Variants in IL12A observed in about 807,000 individuals in gnomAD.
IL12A encodes the protein interleukin 12A.
IL12A carries 16 observed loss-of-function variants against 23.5 expected under a neutral mutation model. The observed-to-expected ratio is 0.68, with a 90% confidence interval of 0.46 to 1.03. IL12A has a LOEUF of 1.03. Among genes scored for constraint, IL12A ranks in the 50% least tolerant of loss-of-function variants. The probability of loss-of-function intolerance (pLI) is 0.00; values close to 1 mark genes in which losing one functional copy is unlikely to be tolerated. For synonymous variants in IL12A, 106 were observed against 111.5 expected (o/e 0.95, Z 0.31); for missense variants, 275 against 307.0 (o/e 0.90, Z 0.78).
At position 159,993,233 on chromosome 3, in the gene IL12A, T is replaced by C; in HGVS notation, c.378+108T>C. On this transcript the variant is annotated intron_variant, in intron 3 of 6. Transcript: ENST00000305579. ...TCTGGTATCCATCATTATGGGATTT[T>C]AACTGGTCCTACTTCAGAAGTTAGA... is the stretch of plus-strand genomic sequence containing the variant. 3 of 758,444 alleles carry C rather than the reference T, an allele frequency of 4.0e-6. No homozygotes were observed. The South Asian group carries it at 5.2e-5, about 13-fold the overall frequency. 47.0% of individuals were successfully genotyped at this position (758,444 alleles called of 1,614,324 possible).
intron 1 of IL12A, 154 bp downstream of exon 1, chr3:159,989,328 G>C (rs1319204763): frequency 3.1e-6 from 2 of 636,958 alleles, no homozygotes; most frequent in African/African-American, 1.9e-5. Context: ...GTCTCACCGT[G>C]TGCTAAATAG....
Position 159,995,664 on chromosome 3 carries a change from A to G in IL12A, c.*105A>G. 1.3e-6 allele frequency: 1 copy of G among 758,666 alleles called. No homozygotes were observed. 47.0% of individuals were successfully genotyped at this position (758,666 alleles called of 1,614,324 possible). ...CTAGGGAGGGGGAAAGAAGGATGGG[A>G]CTATTACATCCACATGATACCTCTG... is the stretch of plus-strand genomic sequence containing the variant. On this transcript the variant is annotated 3_prime_UTR_variant, in exon 7 of 7. Transcript: ENST00000305579.
Position 159,988,916 on chromosome 3 carries a change from C to T in IL12A, c.-141C>T. ...CGGCCGGGCACCCCGGGAGTTAATC[C>T]GAAAGCGCCGCAAGCCCCGCGGGCC... On this transcript the variant is annotated 5_prime_UTR_variant, in exon 1 of 7. Coordinates refer to ENST00000305579, the MANE Select transcript of IL12A (RefSeq NM_000882.4). 1 of 714,078 alleles carries T rather than the reference C, an allele frequency of 1.4e-6. No individual in the cohort carries two copies. The highest frequency in any genetic ancestry group is 2.4e-6 in the Non-Finnish European group (1 of 423,652). The allele number at this position is 714,078 out of a possible 1,614,324, so 44.2% of individuals were successfully genotyped here.
chr3:159,995,353 A>G (rs781500343), intron 6 of IL12A, 51 bp from the exon 7 acceptor site: 2 of 1,430,924 alleles, frequency 1.4e-6, no homozygotes, highest in East Asian at 2.5e-5. Flanking sequence ...ATGAATGAAT[A>G]TTTGAATTTT....
rs1460141649 is a variant in IL12A at position 159,995,586 on chromosome 3, C to T, written c.*27C>T. 6.5e-7 allele frequency: 1 copy of T among 1,526,878 alleles called. No individual in the cohort carries two copies. The highest frequency in any genetic ancestry group is 1.3e-5 in the South Asian group (1 of 76,588). The allele number at this position is 1,526,878 out of a possible 1,614,324, so 94.6% of individuals were successfully genotyped here. A position where few individuals can be genotyped will look rare whatever the true frequency, so the allele number is the denominator to read the frequency against. ...AAGCGAGGTCCCTCCAAACCGTTGTCATTTTTATAAAACTTTGAAATGAGG... is the reference window on the plus strand; with the variant it reads ...AAGCGAGGTCCCTCCAAACCGTTGTTATTTTTATAAAACTTTGAAATGAGG... On this transcript the variant is annotated 3_prime_UTR_variant, in exon 7 of 7. Coordinates refer to ENST00000305579, the MANE Select transcript of IL12A (RefSeq NM_000882.4).
rs977764536 is a variant in IL12A at position 159,988,941 on chromosome 3, C to T, written c.-116C>T. The T allele has an allele frequency of 7.9e-6, 7 of 886,484 alleles. No homozygotes were observed. The highest frequency in any genetic ancestry group is 6.8e-5 in the Admixed American group (3 of 44,430). The allele number at this position is 886,484 out of a possible 1,614,324, so 54.9% of individuals were successfully genotyped here. A position where few individuals can be genotyped will look rare whatever the true frequency, so the allele number is the denominator to read the frequency against. ...CGAAAGCGCCGCAAGCCCCGCGGGC[C>T]GGCCGCACCGCACGTGTCACCGAGA... On this transcript the variant is annotated 5_prime_UTR_variant, in exon 1 of 7. Transcript: ENST00000305579.
At chr3:159,992,595 A>G (rs1432727538) in intron 2 of IL12A, among the ~76,000 whole-genome samples, 1 of 152,182 alleles carries the variant, frequency 6.6e-6, no homozygotes, top group African/African-American at 2.4e-5. Context: ...TGTTTGTTAT[A>G]TCCATCAGAC....
At chr3:159,992,836 A>T (rs1048421895) in intron 2 of IL12A, among the ~76,000 whole-genome samples, 176 bp from the exon 3 acceptor site, 6 of 152,236 alleles carry the variant, frequency 3.9e-5, no homozygotes, top group Admixed American at 3.3e-4. Context: ...GAGAGACAGA[A>T]TGTAAGGAAT....
In IL12A at chr3:159,989,142, T is replaced by G; in HGVS notation, c.86T>G (p.Leu29Arg). ...CATCCAGCGGCTCGCCCTGTGTCCC[T>G]GCAGTGCCGGCTCAGCATGTGTCCA... The change falls in exon 1 of 7, where the codon CTG becomes CGG. Residue 29 changes from leucine (L) to arginine (R), a missense_variant. By Grantham distance (102) the Leu-to-Arg change is moderately radical. Transcript: ENST00000305579. 6.2e-7 allele frequency: 1 copy of G among 1,612,026 alleles called. No individual in the cohort carries two copies. Among genetic ancestry groups the G allele is most frequent in the Non-Finnish European group, 8.5e-7 (1 of 1,179,524 alleles).
Position 159,995,923 on chromosome 3 carries a change from T to C in IL12A, c.*364T>C, listed in dbSNP as rs1720490400. 1 of 152,792 alleles carries C rather than the reference T, an allele frequency of 6.5e-6. No individual in the cohort carries two copies. Among genetic ancestry groups the C allele is most frequent in the Non-Finnish European group, 1.5e-5 (1 of 68,718 alleles). The allele number at this position is 152,792 out of a possible 1,614,324, so 9.5% of individuals were successfully genotyped here. On this transcript the variant is annotated 3_prime_UTR_variant, in exon 7 of 7. Coordinates refer to ENST00000305579, the MANE Select transcript of IL12A (RefSeq NM_000882.4). ...TAATCATGAAAGCATCTGAGCTAAC[T>C]TATATTTATTTATGTTATATTTATT...
rs1324840625 is a variant in IL12A, at chr3:159,989,169, C to A, written c.113C>A (p.Ala38Glu). Residue 38 changes from alanine to glutamate, a missense_variant, in exon 1 of 7, where the codon GCG (alanine) becomes GAG (glutamate). Ala to Glu is a moderately radical substitution (Grantham distance 107). Transcript: ENST00000305579. ...CAGTGCCGGCTCAGCATGTGTCCAG[C>A]GCGCAGTGAGTACTCAGCCCGCCAG... 26 of 1,611,108 alleles carry A rather than the reference C, an allele frequency of 1.6e-5. No homozygotes were observed. The highest frequency in any genetic ancestry group is 2.1e-5 in the Non-Finnish European group (25 of 1,179,122).
chr3:159,989,346 C>G (rs1720220106), intron 1 of IL12A, 172 bp downstream of exon 1: 5 of 600,310 alleles, frequency 8.3e-6, no homozygotes, highest in Middle Eastern at 4.3e-4. Context: ...TAGGGCATGT[C>G]TCTTTTCATC....
At chr3:159,993,351 GAT>G in intron 3 of IL12A, 98 bp from the exon 4 acceptor site, 1 of 870,874 alleles carries the variant, frequency 1.1e-6, no homozygotes, top group Non-Finnish European at 1.8e-6. Flanking sequence ...TAAATATTAT[GAT>G]ATGTGTTTTT....
intron 3 of IL12A, 114 bp from the exon 4 acceptor site, chr3:159,993,337 A>G: frequency 1.2e-6 from 1 of 821,400 alleles, no homozygotes; most frequent in Non-Finnish European, 1.9e-6. Flanking sequence ...AATAGTTCAG[A>G]TGCTAAATAT....
Position 159,988,992 on chromosome 3 carries a change from G to A in IL12A, c.-65G>A, listed in dbSNP as rs1720199305. On this transcript the variant is annotated 5_prime_UTR_variant, in exon 1 of 7. Coordinates refer to ENST00000305579, the MANE Select transcript of IL12A (RefSeq NM_000882.4). ...AGCTGATGTAGAGAGAGACACAGAA[G>A]GAGACAGAAAGCAAGAGACCAGAGT... 1.0e-5 allele frequency: 13 copies of A among 1,279,558 alleles called. No homozygotes were observed. The highest frequency in any genetic ancestry group is 1.5e-5 in the Non-Finnish European group (13 of 876,166). The allele number at this position is 1,279,558 out of a possible 1,614,324, so 79.3% of individuals were successfully genotyped here.
At position 159,995,492 on chromosome 3, in the gene IL12A, T is replaced by G; in HGVS notation, c.695T>G (p.Leu232Arg). The change falls in exon 7 of 7, where the codon CTT becomes CGT. Residue 232 changes from leucine to arginine, a missense_variant. Physicochemically the swap from Leu to Arg is moderately radical, Grantham distance 102 (BLOSUM62 -2). Coordinates refer to ENST00000305579, the MANE Select transcript of IL12A (RefSeq NM_000882.4). Reference sequence around the variant, plus strand: ...AAAACTAAAATCAAGCTCTGCATACTTCTTCATGCTTTCAGAATTCGGGCA... The same window carrying G: ...AAAACTAAAATCAAGCTCTGCATACGTCTTCATGCTTTCAGAATTCGGGCA... 1 of 1,609,370 alleles carries G rather than the reference T, an allele frequency of 6.2e-7. No individual in the cohort carries two copies. The highest frequency in any genetic ancestry group is 1.1e-5 in the South Asian group (1 of 89,776).
chr3:159,992,959 T>C, intron 2 of IL12A, 53 bp from the exon 3 acceptor site: 1 of 1,073,932 alleles, frequency 9.3e-7, no homozygotes, highest in Non-Finnish European at 1.4e-6. Flanking sequence ...CCTTGTGGGG[T>C]GCCAGGTGCA....
In IL12A at chr3:159,995,428, G is replaced by A. The variant is rs35990253; in HGVS notation, c.631G>A (p.Val211Met). 4,590 of 1,606,752 alleles carry A rather than the reference G, an allele frequency of 2.9e-3. 46 individuals are homozygous for A. The highest frequency in any genetic ancestry group is 0.026 in the African/African-American group (1,965 of 74,680). The stretch of plus-strand genomic sequence containing the variant: ...GGCCCTGAATTTCAACAGTGAGACT[G>A]TGCCACAAAAATCCTCCCTTGAAGA... The change falls in exon 7 of 7, where the codon GTG becomes ATG. Residue 211 changes from valine to methionine, a missense_variant. Physicochemically the swap from Val to Met is conservative, Grantham distance 21. Coordinates refer to ENST00000305579, the MANE Select transcript of IL12A (RefSeq NM_000882.4).
chr3:159,988,996 A>G lies in IL12A; in HGVS notation c.-61A>G, dbSNP rs1577554729. On this transcript the variant is annotated 5_prime_UTR_variant, in exon 1 of 7. Transcript: ENST00000305579. ...GATGTAGAGAGAGACACAGAAGGAGACAGAAAGCAAGAGACCAGAGTCCCG... is the reference window on the plus strand; with the variant it reads ...GATGTAGAGAGAGACACAGAAGGAGGCAGAAAGCAAGAGACCAGAGTCCCG... The G allele has an allele frequency of 7.6e-7, 1 of 1,317,590 alleles. No homozygotes were observed. Among genetic ancestry groups the G allele is most frequent in the East Asian group, 2.3e-5 (1 of 43,386 alleles). The allele number at this position is 1,317,590 out of a possible 1,614,324, so 81.6% of individuals were successfully genotyped here.
Sources: allele counts gnomAD v4.1 joint callset (sites outside exome capture counted in the v4.1 genomes callset), GRCh38; gene constraint gnomAD v4.1.1; transcripts MANE v1.5; gene names NCBI Gene and HGNC (gene_info 2026-07-23, HGNC 2026-07-21).